CHRD: variants seen among roughly 807,000 people sequenced by gnomAD.
CHRD encodes the protein chordin.
CHRD carries 69 observed loss-of-function variants against 113.7 expected under a neutral mutation model. That is an observed-to-expected ratio of 0.61 (90% CI 0.50 to 0.74). CHRD has a LOEUF of 0.74. Ranked by LOEUF, CHRD falls within the 30% of genes least tolerant of loss-of-function variation. The pLI, the probability that CHRD is intolerant of heterozygous loss-of-function variation, is 0.00. For synonymous variants in CHRD, 561 were observed against 540.8 expected (o/e 1.04, Z -0.52); for missense variants, 1,194 against 1,295.8 (o/e 0.92, Z 1.21).
exon 7 of CHRD, chr3:184,382,443 G>A: frequency 6.2e-7 from 1 of 1,614,138 alleles, no homozygotes. Context: ...CCTTAGGGCA[G>A]AACAGCTGCA....
Position 184,388,108 on chromosome 3 carries a change from G to T in CHRD, c.2554+75G>T. ...CTTTGTCCTGGGTGAGGGGAAGGGTGCTCAGTTAATTGAGCATTATACTGA... is the reference window on the plus strand; with the variant it reads ...CTTTGTCCTGGGTGAGGGGAAGGGTTCTCAGTTAATTGAGCATTATACTGA... On this transcript the variant is annotated intron_variant, in intron 20 of 22. Coordinates refer to ENST00000204604, the Ensembl canonical transcript of CHRD. This position sits in a 1 kb window ranked among gnomAD's most constrained non-coding sequence, Gnocchi z 6.1. The T allele has an allele frequency of 2.3e-6, 3 of 1,303,870 alleles. No individual in the cohort carries two copies. The highest frequency in any genetic ancestry group is 3.3e-6 in the Non-Finnish European group (3 of 914,508). The allele number at this position is 1,303,870 out of a possible 1,614,324, so 80.8% of individuals were successfully genotyped here.
rs1463141891 is a variant in CHRD at position 184,385,156 on chromosome 3, A to C, written c.1736A>C (p.Gln579Pro). ...CTGGCTGGGCTTGGTGGCTCAGAAC[A>C]AGGCACTGTCACTGCCCACCTCCTT... The change falls in exon 14 of 23, where the codon CAA becomes CCA. Residue 579 changes from glutamine (Q) to proline (P), a missense_variant. Transcript: ENST00000204604. 3 of 1,613,988 alleles carry C rather than the reference A, an allele frequency of 1.9e-6. No individual in the cohort carries two copies. The African/African-American group carries it at 4.0e-5, about 22-fold the overall frequency.
chr3:184,385,875 A>G (rs1442177514), intron 14 of CHRD, among the ~76,000 whole-genome samples, 171 bp from the exon 15 acceptor site: 1 of 151,910 alleles, frequency 6.6e-6, no homozygotes, highest in African/African-American at 2.4e-5. Context: ...GTTCTCATGG[A>G]CTTGGTCAGA....
At chr3:184,389,672 C>T (rs1716907174) in exon 23 of CHRD, 1 of 522,206 alleles carries the variant, frequency 1.9e-6, no homozygotes, top group Non-Finnish European at 3.5e-6. Flanking sequence ...GAAGCCCCAC[C>T]CCTTTCCTCC....
rs780123376 is a variant in CHRD at position 184,384,574 on chromosome 3, C to T, written c.1478C>T (p.Ala493Val). The change falls in exon 13 of 23, where the codon GCT becomes GTT. Residue 493 changes from alanine to valine, a missense_variant. By Grantham distance (64) the Ala-to-Val change is moderately conservative. Coordinates refer to ENST00000204604, the Ensembl canonical transcript of CHRD. This position sits in a 1 kb window ranked among gnomAD's most constrained non-coding sequence, Gnocchi z 4.4. ...TGCCCTGGGCTGGGTGCCCGAGGGG[C>T]TCATATGCTGCTGCAGAATGAGCTC... 4.4e-6 allele frequency: 7 copies of T among 1,601,714 alleles called. No individual in the cohort carries two copies. In the East Asian group the frequency reaches 1.6e-4, roughly 36 times the overall value.
rs142091434 is a variant in CHRD at position 184,388,528 on chromosome 3, A to T, written c.2555-59A>T. 2.6e-6 allele frequency: 4 copies of T among 1,547,542 alleles called. No individual in the cohort carries two copies. The highest frequency in any genetic ancestry group is 1.7e-4 in the Middle Eastern group (1 of 5,816). On this transcript the variant is annotated intron_variant, in intron 20 of 22. Coordinates refer to ENST00000204604, the Ensembl canonical transcript of CHRD. This position sits in a 1 kb window ranked among gnomAD's most constrained non-coding sequence, Gnocchi z 6.1. Reference sequence around the variant, plus strand: ...GCAACGTGCTGGGTATTCAAAGAGAATACTCATAAAACCTTGTTGGTCCTC... The same window carrying T: ...GCAACGTGCTGGGTATTCAAAGAGATTACTCATAAAACCTTGTTGGTCCTC...
Position 184,380,862 on chromosome 3 carries a change from A to G in CHRD, c.252+67A>G, listed in dbSNP as rs1715242326. Reference sequence around the variant, plus strand: ...GAGCGCCGGGTCGCGCGGGCGTCGGAGTGGACTCGGAGCTGCTGAGAAGGA... The same window carrying G: ...GAGCGCCGGGTCGCGCGGGCGTCGGGGTGGACTCGGAGCTGCTGAGAAGGA... On this transcript the variant is annotated intron_variant, in intron 2 of 22. Coordinates refer to ENST00000204604, the Ensembl canonical transcript of CHRD. The surrounding 1 kb of genome is among the most constrained non-coding windows in gnomAD (Gnocchi z 6.3). 1.6e-6 allele frequency: 2 copies of G among 1,224,378 alleles called. No homozygotes were observed. Among genetic ancestry groups the G allele is most frequent in the Non-Finnish European group, 2.3e-6 (2 of 883,590 alleles). The allele number at this position is 1,224,378 out of a possible 1,614,324, so 75.8% of individuals were successfully genotyped here.
At position 184,387,290 on chromosome 3, in the gene CHRD, G is replaced by C. The variant is rs940718077; in HGVS notation, c.2348-84G>C. The stretch of plus-strand genomic sequence containing the variant: ...GTGGGCCCTTGGCTTAGGCTCGTGT[G>C]GGGGTGGCCTGAGGCTCAAGCCTTG... On this transcript the variant is annotated intron_variant, in intron 18 of 22. Transcript: ENST00000204604. This position sits in a 1 kb window ranked among gnomAD's most constrained non-coding sequence, Gnocchi z 6.1. 51 of 1,477,034 alleles carry C rather than the reference G, an allele frequency of 3.5e-5. No individual in the cohort carries two copies. The highest frequency in any genetic ancestry group is 4.3e-5 in the Non-Finnish European group (47 of 1,084,836). The allele number at this position is 1,477,034 out of a possible 1,614,324, so 91.5% of individuals were successfully genotyped here.
Position 184,380,987 on chromosome 3 carries a change from G to A in CHRD, c.252+192G>A, listed in dbSNP as rs911473497. On this transcript the variant is annotated intron_variant, in intron 2 of 22. Transcript: ENST00000204604. This position sits in a 1 kb window ranked among gnomAD's most constrained non-coding sequence, Gnocchi z 6.3. ...TTACTGATCGCCCACTCTGTGTGAG[G>A]CTCTGTGCCAACTCCGTTTCGTTCC... The A allele has an allele frequency of 3.4e-5, 25 of 732,954 alleles. No homozygotes were observed. In the East Asian group the frequency reaches 6.4e-4, roughly 19 times the overall value. 45.4% of individuals were successfully genotyped at this position (732,954 alleles called of 1,614,324 possible).
chr3:184,383,506 C>G lies in CHRD; in HGVS notation c.1321-17C>G. On this transcript the variant is annotated splice_polypyrimidine_tract_variant and intron_variant, in intron 11 of 22. Coordinates refer to ENST00000204604, the Ensembl canonical transcript of CHRD. Reference sequence around the variant, plus strand: ...TACTGCCTCTCCACTTTGCCCTCCTCCATCCCTGCCCATCAGGTGCAAGTG... The same window carrying G: ...TACTGCCTCTCCACTTTGCCCTCCTGCATCCCTGCCCATCAGGTGCAAGTG... The G allele has an allele frequency of 1.9e-6, 3 of 1,613,578 alleles. No homozygotes were observed. Among genetic ancestry groups the G allele is most frequent in the Non-Finnish European group, 2.5e-6 (3 of 1,179,738 alleles).
chr3:184,388,955 G>A lies in CHRD; in HGVS notation c.2772G>A (p.Lys924=). 5.0e-6 allele frequency: 8 copies of A among 1,612,840 alleles called. No individual in the cohort carries two copies. The highest frequency in any genetic ancestry group is 6.8e-6 in the Non-Finnish European group (8 of 1,179,928). Reference sequence around the variant, plus strand: ...TGCCACTGTCCTGTGGCTCGGGGAAGGAGAGTCGATGCTGTTCCCGCTGCA... The same window carrying A: ...TGCCACTGTCCTGTGGCTCGGGGAAAGAGAGTCGATGCTGTTCCCGCTGCA... The change falls in exon 22 of 23, where the codon AAG becomes AAA. Residue 924 remains lysine, a synonymous_variant. Transcript: ENST00000204604. This position sits in a 1 kb window ranked among gnomAD's most constrained non-coding sequence, Gnocchi z 6.1.
rs180688914 is a variant in CHRD at position 184,384,205 on chromosome 3, T to C, written c.1441-332T>C. On this transcript the variant is annotated intron_variant, in intron 12 of 22. Transcript: ENST00000204604. The surrounding 1 kb of genome is among the most constrained non-coding windows in gnomAD (Gnocchi z 4.4). ...CTGGAGAACAGTGCCACAGGCCACA[T>C]ATTAGTAAATGTAATGGCAATGGTT... Among the ~76,000 whole-genome samples, 115 of 152,318 alleles carry C rather than the reference T, an allele frequency of 7.5e-4. No individual in the cohort carries two copies. The highest frequency in any genetic ancestry group is 2.5e-3 in the African/African-American group (102 of 41,572).
chr3:184,384,788 C>T lies in CHRD; in HGVS notation c.1597+95C>T. 2 of 1,448,530 alleles carry T rather than the reference C, an allele frequency of 1.4e-6. No individual in the cohort carries two copies. Among genetic ancestry groups the T allele is most frequent in the South Asian group, 2.8e-5 (2 of 71,560 alleles). The allele number at this position is 1,448,530 out of a possible 1,614,324, so 89.7% of individuals were successfully genotyped here. On this transcript the variant is annotated intron_variant, in intron 13 of 22. Transcript: ENST00000204604. The surrounding 1 kb of genome is among the most constrained non-coding windows in gnomAD (Gnocchi z 4.4). ...GGAGCCTGGTGTGTCTTTCTTTGTG[C>T]CTAAGCTCCGGTTGCCATCTGAAGG...
exon 23 of CHRD, chr3:184,389,778 C>G (rs1351564133): frequency 4.3e-6 from 1 of 231,742 alleles, no homozygotes; most frequent in Non-Finnish European, 8.6e-6. Context: ...CTGAGCTGAG[C>G]AGAGTCATTA....
In CHRD at chr3:184,388,756, G is replaced by C. The variant is rs1317863322; in HGVS notation, c.2709+15G>C. 6.2e-7 allele frequency: 1 copy of C among 1,613,612 alleles called. No individual in the cohort carries two copies. Among genetic ancestry groups the C allele is most frequent in the Admixed American group, 1.7e-5 (1 of 59,992 alleles). The stretch of plus-strand genomic sequence containing the variant: ...GCAGATGTGGGGTAAGTGGGGAGCA[G>C]AGGCTTGTGTGAGGTGGGTACTGGG... On this transcript the variant is annotated intron_variant, in intron 21 of 22. Coordinates refer to ENST00000204604, the Ensembl canonical transcript of CHRD. The surrounding 1 kb of genome is among the most constrained non-coding windows in gnomAD (Gnocchi z 6.1).
chr3:184,386,002 C>A (rs774486608), intron 14 of CHRD, 44 bp from the exon 15 acceptor site: 1 of 1,593,468 alleles, frequency 6.3e-7, no homozygotes, highest in African/African-American at 1.3e-5. Context: ...GTAGGCTCAG[C>A]CCTAAAGTGC....
chr3:184,384,832 CCCTGCTGGCG>C lies in CHRD; in HGVS notation c.1597+140_1597+149del, dbSNP rs1435667836. ...CTGAAGGTGGGGACATATAGGGTGG[CCCTGCTGGCG>C]GACTCTTCCTGTTGCTGAGGTTCAA... On this transcript the variant is annotated intron_variant, in intron 13 of 22. Coordinates refer to ENST00000204604, the Ensembl canonical transcript of CHRD. This position sits in a 1 kb window ranked among gnomAD's most constrained non-coding sequence, Gnocchi z 4.4. 8 of 1,288,670 alleles carry C rather than the reference CCCTGCTGGCG, an allele frequency of 6.2e-6. No individual in the cohort carries two copies. Among genetic ancestry groups the C allele is most frequent in the Non-Finnish European group, 8.4e-6 (8 of 947,508 alleles). The allele number at this position is 1,288,670 out of a possible 1,614,324, so 79.8% of individuals were successfully genotyped here. A position where few individuals can be genotyped will look rare whatever the true frequency, so the allele number is the denominator to read the frequency against.
At chr3:184,383,632 G>A in exon 12 of CHRD, 1 of 1,610,816 alleles carries the variant, frequency 6.2e-7, no homozygotes, top group Non-Finnish European at 8.5e-7. Flanking sequence ...CTCCAGCCAG[G>A]AGGACACACG....
chr3:184,386,360 G>A, intron 15 of CHRD, 132 bp from the exon 16 acceptor site: 1 of 1,341,952 alleles, frequency 7.5e-7, no homozygotes, highest in Non-Finnish European at 1.0e-6. Flanking sequence ...AGATGATTGT[G>A]GAGCGAATGG....
Sources: allele counts gnomAD v4.1 joint callset (sites outside exome capture counted in the v4.1 genomes callset), GRCh38; gene constraint gnomAD v4.1.1; non-coding constraint Gnocchi (gnomAD v3.1); transcripts MANE v1.5; gene names NCBI Gene and HGNC (gene_info 2026-07-23, HGNC 2026-07-21).